The following RABGAP1L variants were observed in gnomAD, a reference collection of about 807,000 sequenced individuals.
The protein encoded by RABGAP1L is rab GTPase-activating protein 1-like.
In RABGAP1L, 63 loss-of-function variants were observed where a neutral mutation model predicts 137.7. That is an observed-to-expected ratio of 0.46 (90% CI 0.37 to 0.56). RABGAP1L has a LOEUF of 0.56. Ranked by LOEUF, RABGAP1L falls within the 20% of genes least tolerant of loss-of-function variation. The pLI is 0.00. For synonymous variants in RABGAP1L, 431 were observed against 433.7 expected (o/e 0.99, Z 0.08); for missense variants, 1,095 against 1,244.0 (o/e 0.88, Z 1.80).
At chr1:174,987,861 G>C (rs1043994498) in intron 24 of RABGAP1L, among the ~76,000 whole-genome samples, 3 of 152,150 alleles carry the variant, frequency 2.0e-5, no homozygotes, top group Non-Finnish European at 4.4e-5. Context: ...CCAGGCTGGA[G>C]TGCAGTGGCG....
chr1:174,539,044 A>T (rs900438196), intron 13 of RABGAP1L, among the ~76,000 whole-genome samples: 4 of 152,182 alleles, frequency 2.6e-5, no homozygotes. Flanking sequence ...CTAAAGGGTG[A>T]TTTGAACTTA....
At chr1:174,936,149 A>T (rs2149274183) in intron 19 of RABGAP1L, among the ~76,000 whole-genome samples, 1 of 152,302 alleles carries the variant, frequency 6.6e-6, no homozygotes, top group East Asian at 1.9e-4. Flanking sequence ...AAGTCCAAGG[A>T]CATGATGATA....
At chr1:174,766,295 G>A (rs1558057669) in intron 18 of RABGAP1L, among the ~76,000 whole-genome samples, 1 of 152,116 alleles carries the variant, frequency 6.6e-6, no homozygotes, top group Non-Finnish European at 1.5e-5. Context: ...CATACACTAG[G>A]GGTACACCTT....
chr1:174,827,392 T>C (rs1691680825), intron 19 of RABGAP1L, among the ~76,000 whole-genome samples: 1 of 152,192 alleles, frequency 6.6e-6, no homozygotes, highest in South Asian at 2.1e-4. Context: ...ATTGTCTCTT[T>C]AAAGGCCTTA....
intron 19 of RABGAP1L, among the ~76,000 whole-genome samples, chr1:174,860,626 A>G (rs1343126678): frequency 1.3e-5 from 2 of 152,034 alleles, no homozygotes; most frequent in African/African-American, 2.4e-5. Flanking sequence ...TTATTTGCCT[A>G]TTTCCTTTTT....
Position 174,435,397 on chromosome 1 carries a change from A to T in RABGAP1L, c.1710+41252A>T, listed in dbSNP as rs180731383. Reference sequence around the variant, plus strand: ...TAGAAGCTATATATTTGCAGTTTCAATTTTTTTTTGTTTAGATCTATGATC... The same window carrying T: ...TAGAAGCTATATATTTGCAGTTTCATTTTTTTTTTGTTTAGATCTATGATC... On this transcript the variant is annotated intron_variant, in intron 13 of 25. Coordinates refer to ENST00000681986, the MANE Select transcript of RABGAP1L (RefSeq NM_001366446.1). Among the ~76,000 whole-genome samples, 44 of 151,424 alleles carry T rather than the reference A, an allele frequency of 2.9e-4. No homozygotes were observed. The East Asian group carries it at 8.0e-3, about 27-fold the overall frequency.
At chr1:174,383,262 T>C (rs377258574) in intron 12 of RABGAP1L, among the ~76,000 whole-genome samples, 1,677 of 140,966 alleles carry the variant, frequency 0.012, 23 homozygotes, top group African/African-American at 0.04. Flanking sequence ...TGCCCTGCCC[T>C]CAGAGGTGGA....
chr1:174,777,303 G>A (rs923822633), intron 18 of RABGAP1L, among the ~76,000 whole-genome samples: 14 of 152,080 alleles, frequency 9.2e-5, no homozygotes, highest in Admixed American at 4.6e-4. Flanking sequence ...CTGTTGTTCT[G>A]CAGCAGTATT....
chr1:174,931,707 G>C (rs906077292), intron 19 of RABGAP1L, among the ~76,000 whole-genome samples: 2 of 152,010 alleles, frequency 1.3e-5, no homozygotes, highest in African/African-American at 2.4e-5. Flanking sequence ...ACTTGCCATC[G>C]GTCTTCTGTG....
intron 13 of RABGAP1L, among the ~76,000 whole-genome samples, chr1:174,625,913 G>C (rs1356313763): frequency 1.3e-5 from 2 of 152,098 alleles, no homozygotes; most frequent in Non-Finnish European, 2.9e-5. Context: ...AATAAACATG[G>C]AGCTCTTTCT....
At chr1:174,641,970 G>A (rs905109917) in intron 14 of RABGAP1L, among the ~76,000 whole-genome samples, 6 of 152,024 alleles carry the variant, frequency 3.9e-5, no homozygotes, top group Non-Finnish European at 8.8e-5. Flanking sequence ...TACAGTGTTC[G>A]GTTTGTTACA....
intron 4 of RABGAP1L, among the ~76,000 whole-genome samples, chr1:174,232,886 GTTC>G (rs1670800319): frequency 6.6e-6 from 1 of 151,938 alleles, no homozygotes; most frequent in Non-Finnish European, 1.5e-5. Context: ...GCTCCAACTT[GTTC>G]TTCCCCTCTT....
intron 1 of RABGAP1L, among the ~76,000 whole-genome samples, chr1:174,182,451 T>G (rs1009521585): frequency 1.3e-5 from 2 of 152,322 alleles, no homozygotes; most frequent in Middle Eastern, 3.4e-3. Context: ...TAAAATACTT[T>G]GGTTAGAGGT....
At chr1:174,429,393 G>A (rs1558226106) in intron 13 of RABGAP1L, among the ~76,000 whole-genome samples, 1 of 151,576 alleles carries the variant, frequency 6.6e-6, no homozygotes, top group African/African-American at 2.4e-5. Flanking sequence ...AAAATCCATG[G>A]CACTCTTTCC....
At chr1:174,415,513 T>C (rs1190281401) in intron 13 of RABGAP1L, among the ~76,000 whole-genome samples, 1 of 152,090 alleles carries the variant, frequency 6.6e-6, no homozygotes, top group Non-Finnish European at 1.5e-5. Context: ...AGCTGATCTC[T>C]GACATGTTTA....
intron 18 of RABGAP1L, among the ~76,000 whole-genome samples, chr1:174,756,658 G>A (rs1027005848): frequency 6.6e-6 from 1 of 152,144 alleles, no homozygotes; most frequent in Non-Finnish European, 1.5e-5. Context: ...AAAAAGGAAG[G>A]CGGAGGCATG....
chr1:174,615,759 T>A (rs1349059132), intron 13 of RABGAP1L, among the ~76,000 whole-genome samples: 1 of 152,206 alleles, frequency 6.6e-6, no homozygotes, highest in African/African-American at 2.4e-5. Flanking sequence ...CTGCTTTGTT[T>A]ACCTAAGCAA....
intron 14 of RABGAP1L, among the ~76,000 whole-genome samples, chr1:174,670,047 T>C (rs182534205): frequency 8.2e-4 from 125 of 152,268 alleles, no homozygotes; most frequent in Non-Finnish European, 1.6e-4. Context: ...GGGGATTCCA[T>C]TGAATACATG....
chr1:174,706,021 T>A (rs569059118), intron 17 of RABGAP1L, among the ~76,000 whole-genome samples: 2 of 152,284 alleles, frequency 1.3e-5, no homozygotes, highest in East Asian at 3.9e-4. Context: ...ACATTCTGAT[T>A]TTTAACATGT....
Sources: gnomAD v4.1 joint callset for allele counts (sites outside exome capture counted in the v4.1 genomes callset) on GRCh38, gnomAD v4.1.1 for gene constraint, MANE v1.5 for transcripts, NCBI Gene and HGNC (gene_info 2026-07-23, HGNC 2026-07-21) for gene names.